The following TEX9 variants were observed in gnomAD, a reference collection of about 807,000 sequenced individuals.
TEX9 encodes testis-expressed protein 9.
TEX9 carries 74 observed loss-of-function variants against 59.6 expected under a neutral mutation model. The ratio of observed to expected loss-of-function variants is 1.24; its 90% CI spans 1.03 to 1.51. The LOEUF (loss-of-function observed/expected upper bound fraction) is 1.51, where lower values mean the gene tolerates loss of function less well. Ranked by LOEUF, TEX9 falls within the 40% of genes most tolerant of loss-of-function variation. The probability of loss-of-function intolerance (pLI) is 0.00; values close to 1 mark genes in which losing one functional copy is unlikely to be tolerated. For synonymous variants in TEX9, 186 were observed against 152.2 expected (o/e 1.22, Z -1.64); for missense variants, 522 against 447.8 (o/e 1.17, Z -1.49).
intron 9 of TEX9, among the ~76,000 whole-genome samples, chr15:56,401,256 A>T (rs1251210151): frequency 6.7e-6 from 1 of 148,348 alleles, no homozygotes; most frequent in Non-Finnish European, 1.5e-5. Context: ...GCAGAGACAC[A>T]CACAGGCTCA....
chr15:56,405,542 G>T (rs769244126), intron 9 of TEX9, among the ~76,000 whole-genome samples: 4 of 152,104 alleles, frequency 2.6e-5, no homozygotes, highest in Non-Finnish European at 5.9e-5. Context: ...AGTTCACAAT[G>T]AATGTACTAA....
chr15:56,378,682 T>C (rs1399780623), intron 3 of TEX9, among the ~76,000 whole-genome samples: 1 of 152,214 alleles, frequency 6.6e-6, no homozygotes, highest in Non-Finnish European at 1.5e-5. Flanking sequence ...ATCTTTTCTT[T>C]ATTTCAAATT....
intron 10 of TEX9, among the ~76,000 whole-genome samples, chr15:56,414,791 G>A (rs2049588634): frequency 6.6e-6 from 1 of 151,656 alleles, no homozygotes; most frequent in Non-Finnish European, 1.5e-5. Context: ...TGGTAGTTCT[G>A]CTTTTACCTC....
intron 12 of TEX9, among the ~76,000 whole-genome samples, chr15:56,442,869 T>G (rs1245227250): frequency 1.3e-5 from 2 of 151,074 alleles, no homozygotes; most frequent in Non-Finnish European, 2.9e-5. Flanking sequence ...AACCAGCACA[T>G]GTACCTCCTG....
At chr15:56,348,983 A>G (rs1265723792) in intron 1 of TEX9, among the ~76,000 whole-genome samples, 2 of 151,782 alleles carry the variant, frequency 1.3e-5, no homozygotes, top group African/African-American at 4.8e-5. Context: ...CTTCAGGTTC[A>G]CTAACCATTT....
intron 1 of TEX9, among the ~76,000 whole-genome samples, chr15:56,265,179 TA>T (rs370325345): frequency 0.018 from 2,737 of 150,538 alleles, 44 homozygotes; most frequent in East Asian, 0.054. Context: ...TTTTTTTTTT[TA>T]ACAGGGTCTC....
At chr15:56,355,966 G>A (rs1267482344) in intron 1 of TEX9, among the ~76,000 whole-genome samples, 2 of 151,958 alleles carry the variant, frequency 1.3e-5, no homozygotes. Context: ...GTATATAGAA[G>A]TATAATTAAT....
chr15:56,454,582 A>G, the TEX9 span, among the ~76,000 whole-genome samples: 1 of 151,922 alleles, frequency 6.6e-6, no homozygotes, highest in Admixed American at 6.6e-5. Flanking sequence ...CTGCTTTTTT[A>G]TGATTTTCTA....
At chr15:56,317,907 G>T (rs1200159159) in intron 1 of TEX9, among the ~76,000 whole-genome samples, 1 of 152,086 alleles carries the variant, frequency 6.6e-6, no homozygotes, top group Non-Finnish European at 1.5e-5. Flanking sequence ...CCTAACATAT[G>T]ATCTTTTCTG....
downstream of TEX9, chr15:56,445,885 ATTGT>A (rs1275234080): frequency 1.3e-5 from 2 of 152,050 alleles, no homozygotes; most frequent in Non-Finnish European, 2.9e-5. Context: ...CAAACAGGAC[ATTGT>A]TTGTGCTACT....
chr15:56,291,305 A>G (rs1295694086), intron 1 of TEX9, among the ~76,000 whole-genome samples: 3 of 152,194 alleles, frequency 2.0e-5, no homozygotes, highest in East Asian at 1.9e-4. Context: ...TGAAGGACCA[A>G]CGATGCTTGT....
At chr15:56,306,280 G>GAAAAAAAAAAAAAAAAAA (rs2045484308) in intron 1 of TEX9, among the ~76,000 whole-genome samples, 2 of 72,058 alleles carry the variant, frequency 2.8e-5, no homozygotes, top group Non-Finnish European at 3.2e-5. Context: ...AAAAAAAAAG[G>GAAAAAAAAAAAAAAAAAA]AAATCAGTGT....
chr15:56,249,475 G>C (rs1427473588), intron 1 of TEX9, among the ~76,000 whole-genome samples: 1 of 151,452 alleles, frequency 6.6e-6, no homozygotes, highest in Admixed American at 6.6e-5. Flanking sequence ...GGGAAGAAAG[G>C]AGGGAGGGAG....
Position 56,326,984 on chromosome 15 carries a change from A to G in TEX9, c.-106-46457A>G, listed in dbSNP as rs148967623. ...GTGCACTAAAATCTCAGAAATCACC[A>G]TTAAAGAACTTACCCGTGTAACCAA... On this transcript the variant is annotated intron_variant, in intron 1 of 5. Coordinates refer to the TEX9 transcript ENST00000560827. Among the ~76,000 whole-genome samples the G allele has an allele frequency of 8.5e-3, 1,302 of 152,338 alleles. 20 individuals are homozygous for G. Among genetic ancestry groups the G allele is most frequent in the African/African-American group, 0.03 (1,233 of 41,566 alleles).
intron 12 of TEX9, among the ~76,000 whole-genome samples, chr15:56,433,696 T>G (rs1463840313): frequency 6.6e-6 from 1 of 152,130 alleles, no homozygotes; most frequent in Admixed American, 6.6e-5. Context: ...AAAGTACAGA[T>G]CTTAATATAC....
chr15:56,308,326 T>C (rs1230549062), intron 1 of TEX9, among the ~76,000 whole-genome samples: 1 of 152,178 alleles, frequency 6.6e-6, no homozygotes, highest in East Asian at 1.9e-4. Flanking sequence ...TGACTAATGG[T>C]GTTGAGCATC....
rs2045331855 is a variant in TEX9, at chr15:56,300,708, G to GAGGGAGAGA, written c.-107+56430_-107+56431insAGGGAGAGA. The stretch of plus-strand genomic sequence containing the variant: ...AGCAGAGAGAGAGAGAGAGAGAGAG[G>GAGGGAGAGA]GAGAGAGAGAGAGAGAGAGAGAGAG... On this transcript the variant is annotated intron_variant, in intron 1 of 5. Coordinates refer to the TEX9 transcript ENST00000560827. Among the ~76,000 whole-genome samples, 180 of 102,614 alleles carry GAGGGAGAGA rather than the reference G, an allele frequency of 1.8e-3. 2 individuals are homozygous for GAGGGAGAGA. Among genetic ancestry groups the GAGGGAGAGA allele is most frequent in the African/African-American group, 6.5e-3 (163 of 25,262 alleles). 67.3% of individuals were successfully genotyped at this position (102,614 alleles called of 152,430 possible). A position where few individuals can be genotyped will look rare whatever the true frequency, so the allele number is the denominator to read the frequency against.
At chr15:56,272,483 A>G (rs2044558867) in intron 1 of TEX9, among the ~76,000 whole-genome samples, 1 of 152,208 alleles carries the variant, frequency 6.6e-6, no homozygotes. Flanking sequence ...TTGTATGGAT[A>G]TATTACATAA....
At chr15:56,366,030 TAG>T in intron 2 of TEX9, 1 of 511,576 alleles carries the variant, frequency 2.0e-6, no homozygotes, top group Non-Finnish European at 2.7e-6. Flanking sequence ...ATCAAGTTCA[TAG>T]AGTTTACCTT....
Sources: gnomAD v4.1 joint callset for allele counts (sites outside exome capture counted in the v4.1 genomes callset) on GRCh38, gnomAD v4.1.1 for gene constraint, MANE v1.5 for transcripts, NCBI Gene and HGNC (gene_info 2026-07-23, HGNC 2026-07-21) for gene names.